ADAMTS19: variants seen among roughly 807,000 people sequenced by gnomAD.
ADAMTS19 encodes the protein ADAM metallopeptidase with thrombospondin type 1 motif 19, also known as A disintegrin and metalloproteinase with thrombospondin motifs 19.
ADAMTS19 carries 93 observed loss-of-function variants against 153.3 expected under a neutral mutation model. The observed-to-expected ratio is 0.61, with a 90% CI of 0.51 to 0.72. ADAMTS19 has a LOEUF of 0.72. Ranked by LOEUF, ADAMTS19 falls within the 30% of genes least tolerant of loss-of-function variation. The pLI is 0.00. For missense variants in ADAMTS19, 1,482 were observed against 1,552.1 expected (o/e 0.95, Z 0.76); for synonymous variants, 600 against 556.6 (o/e 1.08, Z -1.10).
At chr5:129,602,282 G>A (rs1051578293) in intron 8 of ADAMTS19, among the ~76,000 whole-genome samples, 1 of 152,112 alleles carries the variant, frequency 6.6e-6, no homozygotes, top group African/African-American at 2.4e-5. Context: ...AGTAAAGATA[G>A]GTTTCTCCGT....
chr5:129,651,263 T>C (rs1273405889), intron 13 of ADAMTS19, among the ~76,000 whole-genome samples: 2 of 152,220 alleles, frequency 1.3e-5, no homozygotes, highest in Non-Finnish European at 2.9e-5. Flanking sequence ...AACTCCCTTG[T>C]TGATATATCT....
At chr5:129,494,812 A>T (rs925341635) in intron 2 of ADAMTS19, among the ~76,000 whole-genome samples, 13 of 152,124 alleles carry the variant, frequency 8.5e-5, no homozygotes, top group African/African-American at 3.1e-4. Context: ...TACACATCCA[A>T]ACATCGGTTC....
At chr5:129,655,465 T>C (rs749115562) in intron 14 of ADAMTS19, among the ~76,000 whole-genome samples, 28 of 152,214 alleles carry the variant, frequency 1.8e-4, no homozygotes, top group Non-Finnish European at 3.7e-4. Flanking sequence ...ACTGCATCCA[T>C]GACAGCCTTT....
chr5:129,536,553 C>T (rs1178754209), intron 6 of ADAMTS19, among the ~76,000 whole-genome samples: 2 of 152,170 alleles, frequency 1.3e-5, no homozygotes, highest in Non-Finnish European at 2.9e-5. Flanking sequence ...CCAGCCTTCC[C>T]ATTACTGGGT....
intron 6 of ADAMTS19, among the ~76,000 whole-genome samples, chr5:129,535,112 G>A (rs970515040): frequency 2.6e-5 from 4 of 152,170 alleles, no homozygotes; most frequent in African/African-American, 4.8e-5. Flanking sequence ...TAGGAAAAGA[G>A]GAAGTCAAAT....
chr5:129,528,634 G>A lies in ADAMTS19; in HGVS notation c.1285G>A (p.Gly429Arg). The A allele has an allele frequency of 1.2e-6, 2 of 1,602,622 alleles. No homozygotes were observed. The highest frequency in any genetic ancestry group is 2.3e-5 in the East Asian group (1 of 44,112). The change falls in exon 6 of 23, where the codon GGG becomes AGG. Residue 429 changes from glycine (G) to arginine (R), a missense_variant. By Grantham distance (125) the Gly-to-Arg change is moderately radical. Transcript: ENST00000274487. ...ACATTTAGAGATGTCAACAAACTGGGGGGAAGACATGACTTCAGTGGATGC... is the reference window on the plus strand; with the variant it reads ...ACATTTAGAGATGTCAACAAACTGGAGGGAAGACATGACTTCAGTGGATGC... ...DIHLEMSTNWGEDMTSVDAAI... is the reference protein window; with the variant it reads ...DIHLEMSTNWREDMTSVDAAI...
At chr5:129,524,053 T>C (rs1376457487) in intron 3 of ADAMTS19, among the ~76,000 whole-genome samples, 1 of 152,076 alleles carries the variant, frequency 6.6e-6, no homozygotes, top group African/African-American at 2.4e-5. Context: ...GCTACCTGAC[T>C]TCAAACTACC....
At chr5:129,688,377 A>C (rs1314073183) in intron 18 of ADAMTS19, among the ~76,000 whole-genome samples, 2 of 152,150 alleles carry the variant, frequency 1.3e-5, no homozygotes, top group Non-Finnish European at 2.9e-5. Flanking sequence ...TTATTTTTCT[A>C]ATTCTGTTGT....
rs201812154 is a variant in ADAMTS19, at chr5:129,675,226, A to G, written c.2507-4538A>G. On this transcript the variant is annotated intron_variant, in intron 16 of 22. Transcript: ENST00000274487. The stretch of plus-strand genomic sequence containing the variant: ...GCAGTTTGATTATAATGTACCTTGT[A>G]TGGCTTTCTTTATGCTTATTTGGCT... Among the ~76,000 whole-genome samples the G allele has an allele frequency of 3.3e-5, 5 of 152,216 alleles. No homozygotes were observed. The East Asian group carries it at 7.7e-4, about 23-fold the overall frequency.
chr5:129,529,936 T>A (rs1387564612), intron 6 of ADAMTS19, among the ~76,000 whole-genome samples: 3 of 152,124 alleles, frequency 2.0e-5, no homozygotes, highest in East Asian at 3.9e-4. Flanking sequence ...TCAACATTTT[T>A]AGCCTTAGGG....
intron 21 of ADAMTS19, among the ~76,000 whole-genome samples, chr5:129,720,174 ATTTTT>A (rs1177323633): frequency 0.01 from 1,183 of 113,272 alleles, 12 homozygotes; most frequent in African/African-American, 0.052. Context: ...ATATATATTT[ATTTTT>A]TTTTTTTTTG....
chr5:129,575,917 T>C (rs1232019988), intron 7 of ADAMTS19, among the ~76,000 whole-genome samples: 1 of 152,082 alleles, frequency 6.6e-6, no homozygotes, highest in Non-Finnish European at 1.5e-5. Context: ...TTATATTTTC[T>C]GAAGAGGGAT....
At chr5:129,647,070 C>T (rs1471315998) in intron 11 of ADAMTS19, among the ~76,000 whole-genome samples, 1 of 151,852 alleles carries the variant, frequency 6.6e-6, no homozygotes, top group Non-Finnish European at 1.5e-5. Flanking sequence ...TTCTCTTATT[C>T]CAGTTATCTT....
intron 8 of ADAMTS19, among the ~76,000 whole-genome samples, chr5:129,612,640 A>G (rs1172541382): frequency 6.6e-6 from 1 of 152,156 alleles, no homozygotes; most frequent in Non-Finnish European, 1.5e-5. Flanking sequence ...CTAAAGAGCA[A>G]AATAACCAGC....
intron 8 of ADAMTS19, among the ~76,000 whole-genome samples, chr5:129,602,283 G>T (rs890309801): frequency 6.6e-6 from 1 of 152,096 alleles, no homozygotes; most frequent in African/African-American, 2.4e-5. Flanking sequence ...GTAAAGATAG[G>T]TTTCTCCGTG....
chr5:129,685,152 T>G (rs1755023478), intron 18 of ADAMTS19, among the ~76,000 whole-genome samples: 1 of 152,046 alleles, frequency 6.6e-6, no homozygotes, highest in Non-Finnish European at 1.5e-5. Flanking sequence ...ATAAAGAATA[T>G]ATGGATATTT....
At chr5:129,736,910 T>C (rs1757689281) in intron 22 of ADAMTS19, among the ~76,000 whole-genome samples, 157 bp from the exon 23 acceptor site, 1 of 152,118 alleles carries the variant, frequency 6.6e-6, no homozygotes, top group Non-Finnish European at 1.5e-5. Context: ...AGGAGGTGTG[T>C]ATGTGTGTGT....
At chr5:129,531,935 TCAAATGGTA>T (rs1217523069) in intron 6 of ADAMTS19, among the ~76,000 whole-genome samples, 1 of 152,090 alleles carries the variant, frequency 6.6e-6, no homozygotes, top group African/African-American at 2.4e-5. Context: ...TTAGAATACA[TCAAATGGTA>T]CAAATGGAAT....
rs1007193870 is a variant in ADAMTS19 at position 129,665,210 on chromosome 5, T to G, written c.2426-289T>G. ...TTCTAACCAGGCTGTTCCACTGGGTTTTTTTTTTTCCCTCCTCACAATTCA... is the reference window on the plus strand; with the variant it reads ...TTCTAACCAGGCTGTTCCACTGGGTGTTTTTTTTTCCCTCCTCACAATTCA... On this transcript the variant is annotated intron_variant, in intron 15 of 22. Coordinates refer to ENST00000274487, the MANE Select transcript of ADAMTS19 (RefSeq NM_133638.6). Among the ~76,000 whole-genome samples the G allele has an allele frequency of 2.6e-3, 274 of 104,672 alleles. 1 individual carries two copies. The highest frequency in any genetic ancestry group is 6.7e-3 in the Admixed American group (65 of 9,748). 68.7% of individuals were successfully genotyped at this position (104,672 alleles called of 152,430 possible). A position where few individuals can be genotyped will look rare whatever the true frequency, so the allele number is the denominator to read the frequency against.
Sources: gnomAD v4.1 joint callset for allele counts (sites outside exome capture counted in the v4.1 genomes callset) on GRCh38, gnomAD v4.1.1 for gene constraint, MANE v1.5 for transcripts, NCBI Gene and HGNC (gene_info 2026-07-23, HGNC 2026-07-21) for gene names.